RFC3: variants seen among roughly 807,000 people sequenced by gnomAD.
RFC3 encodes the protein A1 38 kDa subunit.
A neutral mutation model predicts 45.1 loss-of-function variants in RFC3; 41 were observed. The ratio of observed to expected loss-of-function variants is 0.91; its 90% CI spans 0.71 to 1.18. The LOEUF is 1.18. Ranked by LOEUF, RFC3 falls within the 50% of genes most tolerant of loss-of-function variation. RFC3 has a pLI of 0.00. For missense variants in RFC3, 423 were observed against 428.1 expected, an observed-to-expected ratio of 0.99 and a Z score of 0.10; for synonymous variants, 149 against 144.0, an observed-to-expected ratio of 1.03 and a Z score of -0.25.
At chr13:33,906,450 A>G (rs1315234509) in intron 8 of RFC3, among the ~76,000 whole-genome samples, 1 of 151,990 alleles carries the variant, frequency 6.6e-6, no homozygotes, top group East Asian at 1.9e-4. Flanking sequence ...ATGGACTTCT[A>G]AGATTCATGT....
chr13:33,891,929 A>G (rs2082566333), intron 8 of RFC3, among the ~76,000 whole-genome samples: 1 of 152,290 alleles, frequency 6.6e-6, no homozygotes, highest in South Asian at 2.1e-4. Flanking sequence ...GACATCAGAA[A>G]ATAATTTCTA....
chr13:33,950,087 A>ACG (rs1473184790), intron 8 of RFC3, among the ~76,000 whole-genome samples: 1 of 151,174 alleles, frequency 6.6e-6, no homozygotes, highest in Non-Finnish European at 1.5e-5. Flanking sequence ...ACACACACAC[A>ACG]CACACACACA....
At chr13:33,851,300 G>C (rs1304794027) in intron 8 of RFC3, among the ~76,000 whole-genome samples, 1 of 152,070 alleles carries the variant, frequency 6.6e-6, no homozygotes, top group East Asian at 1.9e-4. Context: ...ACAATGTCGG[G>C]GGTTGGAGCA....
At chr13:33,932,712 T>C (rs187337087) in intron 8 of RFC3, among the ~76,000 whole-genome samples, 9 of 152,300 alleles carry the variant, frequency 5.9e-5, no homozygotes, top group African/African-American at 7.2e-5. Flanking sequence ...TGTAAAATAA[T>C]GCATGGTCCA....
intron 8 of RFC3, among the ~76,000 whole-genome samples, chr13:33,912,364 G>A (rs2082708598): frequency 6.6e-6 from 1 of 152,092 alleles, no homozygotes; most frequent in South Asian, 2.1e-4. Flanking sequence ...AAAATAGTGT[G>A]ACAAATGCAA....
At chr13:33,886,930 C>T (rs2082529032) in intron 8 of RFC3, among the ~76,000 whole-genome samples, 1 of 149,310 alleles carries the variant, frequency 6.7e-6, no homozygotes, top group African/African-American at 2.5e-5. Context: ...TGATGATTTC[C>T]AATTTCATCC....
At chr13:33,966,203 C>T in exon 9 of RFC3, 3 of 1,097,120 alleles carry the variant, frequency 2.7e-6, no homozygotes, top group Non-Finnish European at 4.2e-6. Flanking sequence ...ATATAATCCA[C>T]TTTGCTCTGA....
At chr13:33,926,211 G>A (rs1360038189) in intron 8 of RFC3, among the ~76,000 whole-genome samples, 2 of 126,876 alleles carry the variant, frequency 1.6e-5, no homozygotes, top group African/African-American at 3.0e-5. Flanking sequence ...ACTGTTGTGG[G>A]GTGGGGGGAG....
chr13:33,872,792 A>ACCGC (rs2082419805), intron 8 of RFC3, among the ~76,000 whole-genome samples: 1 of 97,448 alleles, frequency 1.0e-5, no homozygotes, highest in African/African-American at 4.1e-5. Context: ...AAGAAACCAA[A>ACCGC]CCCCCCCCCC....
intron 8 of RFC3, among the ~76,000 whole-genome samples, chr13:33,965,667 T>C (rs920869429): frequency 2.6e-5 from 4 of 152,220 alleles, no homozygotes; most frequent in African/African-American, 9.6e-5. Context: ...GGGGTTTGCC[T>C]GAAGAAGGGA....
Position 33,836,522 on chromosome 13 carries a change from A to T in RFC3, c.*227A>T, listed in dbSNP as rs2082156550. On this transcript the variant is annotated 3_prime_UTR_variant, in exon 9 of 9. Coordinates refer to ENST00000380071, the MANE Select transcript of RFC3 (RefSeq NM_002915.4). ...CTTAGAGACTTTAGAGTCTAAGAAA[A>T]TGATCTTAATTTACTTTAAGCATTG... 10 of 1,234,134 alleles carry T rather than the reference A, an allele frequency of 8.1e-6. No individual in the cohort carries two copies. Among genetic ancestry groups the T allele is most frequent in the African/African-American group, 7.6e-5 (5 of 66,028 alleles). The allele number at this position is 1,234,134 out of a possible 1,614,324, so 76.4% of individuals were successfully genotyped here.
chr13:33,972,046 T>G, the RFC3 span, among the ~76,000 whole-genome samples: 1,305 of 152,248 alleles, frequency 8.6e-3, 17 homozygotes, highest in African/African-American at 0.029. Flanking sequence ...ACCTGGGCAA[T>G]GGAGGTTGGC....
chr13:33,929,511 CA>C (rs1160169772), intron 8 of RFC3, among the ~76,000 whole-genome samples: 1 of 152,218 alleles, frequency 6.6e-6, no homozygotes, highest in East Asian at 1.9e-4. Flanking sequence ...CATACAACTT[CA>C]TATAGCTCCC....
intron 8 of RFC3, among the ~76,000 whole-genome samples, chr13:33,855,144 G>A (rs2082300952): frequency 3.3e-5 from 5 of 152,232 alleles, no homozygotes; most frequent in Admixed American, 1.3e-4. Flanking sequence ...TATAATCTGC[G>A]CTGTGGCTGC....
At chr13:33,821,719 G>A (rs1391326435) in intron 2 of RFC3, among the ~76,000 whole-genome samples, 1 of 152,162 alleles carries the variant, frequency 6.6e-6, no homozygotes, top group Non-Finnish European at 1.5e-5. Flanking sequence ...AAGTTGAGAG[G>A]CTTTCTGTGA....
intron 8 of RFC3, among the ~76,000 whole-genome samples, chr13:33,941,728 GT>G (rs150969054): frequency 3.4e-5 from 5 of 147,860 alleles, no homozygotes; most frequent in Admixed American, 6.7e-5. Flanking sequence ...TAGATTTAAG[GT>G]TTTTTTTTTC....
chr13:33,839,418 C>A (rs2082180975), downstream of RFC3, among the ~76,000 whole-genome samples: 2 of 152,178 alleles, frequency 1.3e-5, no homozygotes, highest in African/African-American at 4.8e-5. Context: ...GCATCCAGCC[C>A]TAAACTTATA....
Position 33,825,885 on chromosome 13 carries a change from A to G in RFC3, c.390A>G (p.Lys130=), listed in dbSNP as rs1436898811. The G allele has an allele frequency of 1.9e-6, 3 of 1,596,638 alleles. No homozygotes were observed. The highest frequency in any genetic ancestry group is 2.6e-6 in the Non-Finnish European group (3 of 1,168,862). ...QLETNSQRDF[K]VVLLTEVDKL... ...AAACAAACTCTCAAAGGGATTTTAA[A>G]GGTAGGTGATCAAAAGACTTCTTTT... Residue 130 remains lysine (K), a splice_region_variant and synonymous_variant, in exon 4 of 9, where the codon AAA becomes AAG. Transcript: ENST00000380071.
intron 8 of RFC3, among the ~76,000 whole-genome samples, chr13:33,890,756 T>C (rs1341068296): frequency 5.9e-5 from 9 of 152,210 alleles, no homozygotes; most frequent in African/African-American, 2.2e-4. Flanking sequence ...TTATTGATGA[T>C]GAACATTGGC....
Sources: allele counts gnomAD v4.1 joint callset (sites outside exome capture counted in the v4.1 genomes callset), GRCh38; gene constraint gnomAD v4.1.1; transcripts MANE v1.5; gene names NCBI Gene and HGNC (gene_info 2026-07-23, HGNC 2026-07-21).